SLC30A9: variants seen among roughly 807,000 people sequenced by gnomAD.
The protein encoded by SLC30A9 is proton-coupled zinc antiporter SLC30A9, mitochondrial.
A neutral mutation model predicts 87.5 loss-of-function variants in SLC30A9; 58 were observed. That is an observed-to-expected ratio of 0.66 (90% CI 0.54 to 0.82). The LOEUF (loss-of-function observed/expected upper bound fraction) is 0.82. Ranked by LOEUF, SLC30A9 falls within the 40% of genes least tolerant of loss-of-function variation. SLC30A9 has a pLI of 0.00. For synonymous variants in SLC30A9, 234 were observed against 233.0 expected, an observed-to-expected ratio of 1.00 and a Z score of -0.04; for missense variants, 557 against 679.1, an observed-to-expected ratio of 0.82 and a Z score of 2.00.
At chr4:42,020,227 G>A (rs1408512783) in intron 3 of SLC30A9, among the ~76,000 whole-genome samples, 189 bp from the exon 4 acceptor site, 5 of 152,166 alleles carry the variant, frequency 3.3e-5, no homozygotes, top group Non-Finnish European at 5.9e-5. Flanking sequence ...AGAGACAAAA[G>A]CTAGATGGCT....
Position 42,033,509 on chromosome 4 carries a change from A to T in SLC30A9, c.611-1766A>T, listed in dbSNP as rs60463177. The stretch of plus-strand genomic sequence containing the variant: ...TTTAAAAATAAAAATAATATTTTTT[A>T]AAAAAACGTACACATTTGTATTAAA... On this transcript the variant is annotated intron_variant, in intron 6 of 17. Coordinates refer to ENST00000264451, the MANE Select transcript of SLC30A9 (RefSeq NM_006345.4). 4.7e-3 allele frequency among the ~76,000 whole-genome samples: 714 copies of T among 152,218 alleles called. 4 individuals are homozygous for T. The highest frequency in any genetic ancestry group is 0.016 in the African/African-American group (678 of 41,546).
rs774854472 is a variant in SLC30A9 at position 42,035,267 on chromosome 4, T to A, written c.611-8T>A. ...CTATGACCTAAATTTATTTTGTTAT[T>A]CTTACAGGGCTATTTAGAAACCAAA... On this transcript the variant is annotated splice_polypyrimidine_tract_variant and splice_region_variant and intron_variant, in intron 6 of 17. Transcript: ENST00000264451. The A allele has an allele frequency of 6.3e-7, 1 of 1,593,704 alleles. No homozygotes were observed. Among genetic ancestry groups the A allele is most frequent in the South Asian group, 1.1e-5 (1 of 90,460 alleles).
chr4:42,068,740 T>C (rs1718189199), intron 14 of SLC30A9, among the ~76,000 whole-genome samples: 1 of 151,566 alleles, frequency 6.6e-6, no homozygotes, highest in Non-Finnish European at 1.5e-5. Flanking sequence ...CCTATTTCTT[T>C]AATTCTAAGT....
Position 42,049,263 on chromosome 4 carries a change from G to A in SLC30A9, c.738-114G>A, listed in dbSNP as rs1008789739. 1.2e-5 allele frequency: 7 copies of A among 578,654 alleles called. No homozygotes were observed. In the Admixed American group the frequency reaches 2.0e-4, roughly 16 times the overall value. The allele number at this position is 578,654 out of a possible 1,614,324, so 35.8% of individuals were successfully genotyped here. A position where few individuals can be genotyped will look rare whatever the true frequency, so the allele number is the denominator to read the frequency against. ...TTATAGGTGTGAGCCATTGTGCTTA[G>A]CCTAATTTTACTTTCAACAGAATCT... On this transcript the variant is annotated intron_variant, in intron 8 of 17. Transcript: ENST00000264451.
chr4:42,054,958 T>C (rs1046256067), intron 9 of SLC30A9, among the ~76,000 whole-genome samples: 4 of 152,222 alleles, frequency 2.6e-5, no homozygotes, highest in African/African-American at 9.6e-5. Flanking sequence ...TAGATATGGA[T>C]GAAATAAAAC....
chr4:42,030,095 T>C lies in SLC30A9; in HGVS notation c.611-5180T>C, dbSNP rs111594921. 5.5e-5 allele frequency: 50 copies of C among 909,528 alleles called. No individual in the cohort carries two copies. In the African/African-American group the frequency reaches 6.7e-4, roughly 12 times the overall value. 56.3% of individuals were successfully genotyped at this position (909,528 alleles called of 1,614,324 possible). A position where few individuals can be genotyped will look rare whatever the true frequency, so the allele number is the denominator to read the frequency against. Reference sequence around the variant, plus strand: ...GAGAAAGATGGTTTTCAGGGATCCTTTGATGTAAAAATTGAAGTTAAGAGC... The same window carrying C: ...GAGAAAGATGGTTTTCAGGGATCCTCTGATGTAAAAATTGAAGTTAAGAGC... On this transcript the variant is annotated intron_variant, in intron 6 of 17. Coordinates refer to ENST00000264451, the MANE Select transcript of SLC30A9 (RefSeq NM_006345.4).
intron 11 of SLC30A9, among the ~76,000 whole-genome samples, chr4:42,063,327 A>G (rs925195477): frequency 6.6e-6 from 1 of 152,174 alleles, no homozygotes; most frequent in Non-Finnish European, 1.5e-5. Flanking sequence ...GTTGAACAAG[A>G]TCTCTGTAGG....
chr4:42,060,326 A>G (rs1483891302), intron 10 of SLC30A9, 80 bp downstream of exon 10: 2 of 1,075,532 alleles, frequency 1.9e-6, no homozygotes, highest in Non-Finnish European at 2.9e-6. Flanking sequence ...AATCTCCTGC[A>G]ATTTATGTAC....
At chr4:42,021,917 A>ATTTTTTTTT (rs1180421350) in intron 4 of SLC30A9, among the ~76,000 whole-genome samples, 2 of 39,946 alleles carry the variant, frequency 5.0e-5, no homozygotes, top group African/African-American at 1.3e-4. Context: ...CGCCTGGCTA[A>ATTTTTTTTT]TTTTTTTTTT....
chr4:42,030,599 T>TGCGGGGGG (rs1716389775), intron 6 of SLC30A9, among the ~76,000 whole-genome samples: 1 of 148,440 alleles, frequency 6.7e-6, no homozygotes, highest in African/African-American at 2.5e-5. Flanking sequence ...TTTTTTTTTT[T>TGCGGGGGG]GGGCTCTTTC....
rs1053713386 is a variant in SLC30A9 at position 42,079,513 on chromosome 4, C to T, written c.1662+1188C>T. ...TTCACCATGTTGGCCAGGCTGGTCTCGAACTCCTGACCTCAAGTGATCTGC... is the reference window on the plus strand; with the variant it reads ...TTCACCATGTTGGCCAGGCTGGTCTTGAACTCCTGACCTCAAGTGATCTGC... On this transcript the variant is annotated intron_variant, in intron 17 of 17. Transcript: ENST00000264451. 4.7e-5 allele frequency among the ~76,000 whole-genome samples: 7 copies of T among 150,220 alleles called. 1 individual carries two copies. Among genetic ancestry groups the T allele is most frequent in the Admixed American group, 4.6e-4 (7 of 15,064 alleles).
At chr4:42,046,109 CA>C (rs765227914) in intron 8 of SLC30A9, among the ~76,000 whole-genome samples, 1 of 152,142 alleles carries the variant, frequency 6.6e-6, no homozygotes, top group Non-Finnish European at 1.5e-5. Context: ...CTATTTATGA[CA>C]AACCCACAGC....
intron 14 of SLC30A9, among the ~76,000 whole-genome samples, chr4:42,069,806 T>A (rs1281138740): frequency 1.3e-5 from 2 of 152,196 alleles, no homozygotes; most frequent in Non-Finnish European, 2.9e-5. Flanking sequence ...AAGGCAAATA[T>A]TAGAATCAGA....
chr4:42,020,531 A>G lies in SLC30A9; in HGVS notation c.434+16A>G, dbSNP rs774302669. On this transcript the variant is annotated intron_variant, in intron 4 of 17. Transcript: ENST00000264451. ...TCAAATCCAGGTAATTTTTTTAAAA[A>G]ATGTAGCCGTGTGTCATATCTAAAT... 1 of 1,385,110 alleles carries G rather than the reference A, an allele frequency of 7.2e-7. No homozygotes were observed. The highest frequency in any genetic ancestry group is 1.0e-6 in the Non-Finnish European group (1 of 979,274). The allele number at this position is 1,385,110 out of a possible 1,614,324, so 85.8% of individuals were successfully genotyped here. A position where few individuals can be genotyped will look rare whatever the true frequency, so the allele number is the denominator to read the frequency against.
intron 2 of SLC30A9, among the ~76,000 whole-genome samples, chr4:42,014,814 A>G (rs925901058): frequency 3.9e-5 from 6 of 152,212 alleles, no homozygotes; most frequent in African/African-American, 1.4e-4. Context: ...CAGAAAGAAA[A>G]ACAGCACGTT....
At chr4:42,029,416 A>G in intron 6 of SLC30A9, 1 of 589,482 alleles carries the variant, frequency 1.7e-6, no homozygotes. Context: ...CACATATCAG[A>G]ACCACATATC....
chr4:42,070,771 C>T, intron 15 of SLC30A9, 80 bp downstream of exon 15: 1 of 1,224,680 alleles, frequency 8.2e-7, no homozygotes, highest in Non-Finnish European at 1.1e-6. Flanking sequence ...TAAATACTTC[C>T]AGAGGAAGTT....
intron 9 of SLC30A9, among the ~76,000 whole-genome samples, chr4:42,051,613 T>G (rs920412677): frequency 6.6e-6 from 1 of 152,162 alleles, no homozygotes; most frequent in Admixed American, 6.5e-5. Context: ...TGTGAAAAAT[T>G]CACTGTATAG....
At chr4:42,074,141 A>G (rs2153140856) in intron 15 of SLC30A9, among the ~76,000 whole-genome samples, 1 of 152,284 alleles carries the variant, frequency 6.6e-6, no homozygotes, top group African/African-American at 2.4e-5. Flanking sequence ...GCCAATCTGA[A>G]AAAGTTTTGT....
Sources: gnomAD v4.1 joint callset for allele counts (sites outside exome capture counted in the v4.1 genomes callset) on GRCh38, gnomAD v4.1.1 for gene constraint, MANE v1.5 for transcripts, NCBI Gene and HGNC (gene_info 2026-07-23, HGNC 2026-07-21) for gene names.